SPTB: variants seen among roughly 807,000 people sequenced by gnomAD.
SPTB encodes the protein spectrin beta, erythrocytic, also known as spectrin beta chain, erythrocytic.
Under a neutral mutation model 256.2 loss-of-function variants are expected in SPTB, and 45 were observed. The observed-to-expected ratio is 0.18, with a 90% CI of 0.14 to 0.23. SPTB has a LOEUF of 0.23. SPTB is among the 10% of genes least tolerant of loss of function. The pLI, the probability that SPTB is intolerant of heterozygous loss-of-function variation, is 1.00. For synonymous variants in SPTB, 1,231 were observed against 1,243.1 expected, an observed-to-expected ratio of 0.99 and a Z score of 0.21; for missense variants, 2,715 against 3,040.4, an observed-to-expected ratio of 0.89 and a Z score of 2.52.
At chr14:64,787,808 G>A (rs139886933) in intron 15 of SPTB, among the ~76,000 whole-genome samples, 118 of 152,320 alleles carry the variant, frequency 7.7e-4, no homozygotes, top group Non-Finnish European at 1.3e-3. Flanking sequence ...GATGCCTGGG[G>A]GCCTGGGGTC....
intron 1 of SPTB, among the ~76,000 whole-genome samples, chr14:64,878,878 A>C (rs1041049067): frequency 2.0e-5 from 3 of 151,002 alleles, no homozygotes; most frequent in African/African-American, 7.3e-5. Flanking sequence ...CTAATTGCTC[A>C]CTGAAAACAG....
In SPTB at chr14:64,824,822, C is replaced by G. The variant is rs141073242; in HGVS notation, c.-51-1677G>C. On this transcript the variant is annotated intron_variant, in intron 1 of 35. Transcript: ENST00000644917. The surrounding 1 kb of genome is among the most constrained non-coding windows in gnomAD (Gnocchi z 5.7). ...GCAGCAGGGCTACAGCCTTATTTTT[C>G]AGATACAGACTCACTTCAGACTGCA... is the stretch of plus-strand genomic sequence containing the variant. 6.0e-4 allele frequency among the ~76,000 whole-genome samples: 91 copies of G among 152,336 alleles called. 4 individuals carry two copies. In the East Asian group the frequency reaches 0.015, roughly 26 times the overall value.
chr14:64,822,595 G>A (rs1247074967), intron 2 of SPTB, among the ~76,000 whole-genome samples: 1 of 151,986 alleles, frequency 6.6e-6, no homozygotes, highest in Non-Finnish European at 1.5e-5. Context: ...GGAAATCGGG[G>A]TTAACCAGGA....
Position 64,801,411 on chromosome 14 carries a change from A to C in SPTB, c.648-11T>G. ...TCGATCAGGTCGGGCCTGGGGACAAAACTGGACTGTGAAAAGGGAGTAGCC... is the reference window on the plus strand; with the variant it reads ...TCGATCAGGTCGGGCCTGGGGACAACACTGGACTGTGAAAAGGGAGTAGCC... On this transcript the variant is annotated splice_polypyrimidine_tract_variant and intron_variant, in intron 6 of 35. Transcript: ENST00000644917. 6.2e-7 allele frequency: 1 copy of C among 1,605,778 alleles called. No individual in the cohort carries two copies. Among genetic ancestry groups the C allele is most frequent in the Admixed American group, 1.7e-5 (1 of 60,026 alleles).
Position 64,786,898 on chromosome 14 carries a change from C to T in SPTB, c.3067G>A (p.Asp1023Asn). ...ALERESQQLM[D>N]SHPEQKEDIG... is the part of the protein sequence containing the mutation. ...TCCTCCTTCTGCTCAGGGTGCGAGT[C>T]CATCAGCTGCTGGGACTCACGCTCC... The change falls in exon 16 of 36, where the codon GAC becomes AAC. Residue 1023 changes from aspartate (D) to asparagine (N), a missense_variant. Transcript: ENST00000644917. The surrounding 1 kb of genome is among the most constrained non-coding windows in gnomAD (Gnocchi z 5.6). 6 of 1,612,994 alleles carry T rather than the reference C, an allele frequency of 3.7e-6. No homozygotes were observed. The highest frequency in any genetic ancestry group is 5.1e-6 in the Non-Finnish European group (6 of 1,180,022).
intron 26 of SPTB, 33 bp from the exon 27 acceptor site, chr14:64,771,162 G>A (rs370029510): frequency 1.4e-5 from 22 of 1,611,220 alleles, no homozygotes; most frequent in African/African-American, 9.3e-5. Flanking sequence ...ATTGTTCCCT[G>A]GACATTGCTC....
rs1469668460 is a variant in SPTB, at chr14:64,760,893, T to C, written c.6345+5833A>G. ...CAGGTCTGTCTGGCACCAAACTCTG[T>C]GTTCTTACTAATTCTCCTGCAAGAG... is the stretch of plus-strand genomic sequence containing the variant. On this transcript the variant is annotated intron_variant, in intron 32 of 35. Coordinates refer to ENST00000644917, the MANE Select transcript of SPTB (RefSeq NM_001355436.2). This position sits in a 1 kb window ranked among gnomAD's most constrained non-coding sequence, Gnocchi z 4.3. Among the ~76,000 whole-genome samples, 1 of 152,224 alleles carries C rather than the reference T, an allele frequency of 6.6e-6. No individual in the cohort carries two copies. The highest frequency in any genetic ancestry group is 1.5e-5 in the Non-Finnish European group (1 of 68,030).
intron 22 of SPTB, among the ~76,000 whole-genome samples, chr14:64,776,737 C>T (rs972868004): frequency 6.6e-5 from 10 of 152,172 alleles, no homozygotes; most frequent in Non-Finnish European, 1.3e-4. Flanking sequence ...CCACTGCGCC[C>T]GGCCTAAAAG....
intron 1 of SPTB, among the ~76,000 whole-genome samples, chr14:64,856,360 A>G (rs2083872576): frequency 6.6e-6 from 1 of 152,120 alleles, no homozygotes; most frequent in Non-Finnish European, 1.5e-5. Context: ...CTGTAGGGAG[A>G]GAGGAGCTCA....
At chr14:64,784,455 G>A (rs935618468) in intron 18 of SPTB, 62 bp from the exon 19 acceptor site, 1 of 1,598,732 alleles carries the variant, frequency 6.3e-7, no homozygotes, top group Non-Finnish European at 8.5e-7. Flanking sequence ...AGCAGAACCT[G>A]CTGCCCATCC....
At chr14:64,837,156 G>C (rs2083536602) in intron 1 of SPTB, among the ~76,000 whole-genome samples, 1 of 152,170 alleles carries the variant, frequency 6.6e-6, no homozygotes, top group Non-Finnish European at 1.5e-5. Context: ...TGGTGGGGAG[G>C]GTGTCAGAAT....
intron 1 of SPTB, among the ~76,000 whole-genome samples, chr14:64,876,097 T>G (rs1208848340): frequency 6.6e-6 from 1 of 152,104 alleles, no homozygotes; most frequent in East Asian, 1.9e-4. Context: ...CCGAAGTAAC[T>G]GGGATTATAG....
rs1220211706 is a variant in SPTB, at chr14:64,796,519, G to T, written c.1341+38C>A. The T allele has an allele frequency of 6.2e-7, 1 of 1,613,690 alleles. No individual in the cohort carries two copies. The highest frequency in any genetic ancestry group is 2.2e-5 in the East Asian group (1 of 44,868). ...CCAAGAGCTGGGGGCTCTGAAGAAT[G>T]TCCCCTCTCCTGTCACCCAAAGCAT... On this transcript the variant is annotated intron_variant, in intron 11 of 35. Transcript: ENST00000644917. The surrounding 1 kb of genome is among the most constrained non-coding windows in gnomAD (Gnocchi z 4.1).
chr14:64,794,422 C>T, intron 13 of SPTB, 45 bp downstream of exon 13: 6 of 1,613,032 alleles, frequency 3.7e-6, no homozygotes, highest in Non-Finnish European at 4.2e-6. Context: ...AGAGGTGAGG[C>T]TCTGGCATTG....
In SPTB at chr14:64,835,645, G is replaced by A. The variant is rs552249998; in HGVS notation, c.-51-12500C>T. Among the ~76,000 whole-genome samples the A allele has an allele frequency of 6.6e-5, 10 of 152,288 alleles. No individual in the cohort carries two copies. In the South Asian group the frequency reaches 1.9e-3, roughly 28 times the overall value. On this transcript the variant is annotated intron_variant, in intron 1 of 35. Coordinates refer to ENST00000644917, the MANE Select transcript of SPTB (RefSeq NM_001355436.2). ...GCCCTGTGCTGGGCTCTGCTGACAG[G>A]CAGCCACTAGTTACCAGCTCCTGCT...
chr14:64,784,352 A>T lies in SPTB; in HGVS notation c.3897T>A (p.Asp1299Glu). Reference sequence around the variant, plus strand: ...GGTTTCGTGCTTCATCATAGGAGACATCCTGAGATGTCAGCAGCTTGTCGT... The same window carrying T: ...GGTTTCGTGCTTCATCATAGGAGACTTCCTGAGATGTCAGCAGCTTGTCGT... ...WINDKLLTSQDVSYDEARNLH... is the reference protein window; with the variant it reads ...WINDKLLTSQEVSYDEARNLH... The change falls in exon 19 of 36, where the codon GAT (aspartate) becomes GAA (glutamate). Residue 1299 changes from aspartate (D) to glutamate (E), a missense_variant. Asp to Glu is a conservative substitution (Grantham distance 45, BLOSUM62 2). Transcript: ENST00000644917. 1 of 1,614,260 alleles carries T rather than the reference A, an allele frequency of 6.2e-7. No individual in the cohort carries two copies. Among genetic ancestry groups the T allele is most frequent in the Non-Finnish European group, 8.5e-7 (1 of 1,180,044 alleles).
In SPTB at chr14:64,796,277, C is replaced by T. The variant is rs1414159627; in HGVS notation, c.1341+280G>A. 6.6e-6 allele frequency among the ~76,000 whole-genome samples: 1 copy of T among 152,192 alleles called. No homozygotes were observed. The highest frequency in any genetic ancestry group is 6.5e-5 in the Admixed American group (1 of 15,282). ...ATATCCCCCAAGAACCACAATTTAACATCAACTGAAACCCCAGCTGTAGTT... is the reference window on the plus strand; with the variant it reads ...ATATCCCCCAAGAACCACAATTTAATATCAACTGAAACCCCAGCTGTAGTT... On this transcript the variant is annotated intron_variant, in intron 11 of 35. Transcript: ENST00000644917. This position sits in a 1 kb window ranked among gnomAD's most constrained non-coding sequence, Gnocchi z 4.1.
At chr14:64,835,602 A>G (rs1488297372) in intron 1 of SPTB, among the ~76,000 whole-genome samples, 1 of 152,128 alleles carries the variant, frequency 6.6e-6, no homozygotes, top group African/African-American at 2.4e-5. Flanking sequence ...GCAGCACTCT[A>G]CCACTAGAGT....
At chr14:64,870,824 C>G (rs1339951501) in intron 1 of SPTB, among the ~76,000 whole-genome samples, 1 of 152,212 alleles carries the variant, frequency 6.6e-6, no homozygotes, top group Non-Finnish European at 1.5e-5. Flanking sequence ...AAGGAGATAT[C>G]TGCCCACCCA....
Sources: gnomAD v4.1 joint callset for allele counts (sites outside exome capture counted in the v4.1 genomes callset) on GRCh38, gnomAD v4.1.1 for gene constraint, Gnocchi (gnomAD v3.1) non-coding constraint, MANE v1.5 for transcripts, NCBI Gene and HGNC (gene_info 2026-07-23, HGNC 2026-07-21) for gene names.